UGT1A7: variants seen among roughly 807,000 people sequenced by gnomAD.
UGT1A7 encodes UDP glucuronosyltransferase family 1 member A7.
In UGT1A7, 33 loss-of-function variants were observed where a neutral mutation model predicts 45.6. That is an observed-to-expected ratio of 0.72 (90% CI 0.55 to 0.97). The LOEUF is 0.97. UGT1A7 is among the 50% of genes least tolerant of loss of function. The pLI, the probability that UGT1A7 is intolerant of heterozygous loss-of-function variation, is 0.00. For synonymous variants in UGT1A7, 274 were observed against 250.6 expected, an observed-to-expected ratio of 1.09 and a Z score of -0.88; for missense variants, 684 against 666.2, an observed-to-expected ratio of 1.03 and a Z score of -0.29.
chr2:233,713,135 G>A (rs772419709), intron 1 of UGT1A7: 5 of 1,614,098 alleles, frequency 3.1e-6, no homozygotes, highest in African/African-American at 1.3e-5. Context: ...GGGAGGCCTT[G>A]CGGGACCTCC....
chr2:233,713,893 A>T (rs774657608), intron 1 of UGT1A7: 2 of 1,613,332 alleles, frequency 1.2e-6, no homozygotes, highest in Admixed American at 3.3e-5. Context: ...TCAATGTTCC[A>T]GGCAAAACAC....
At chr2:233,708,841 G>A (rs955602115) in intron 1 of UGT1A7, 2 of 151,974 alleles carry the variant, frequency 1.3e-5, no homozygotes, top group African/African-American at 4.8e-5. Flanking sequence ...TTGTTGCAGG[G>A]CTTTTCTTTT....
chr2:233,694,052 C>T (rs1175368411), intron 1 of UGT1A7, among the ~76,000 whole-genome samples: 2 of 152,128 alleles, frequency 1.3e-5, no homozygotes, highest in African/African-American at 2.4e-5. Flanking sequence ...CAGAGGCATT[C>T]GGATGAAGAC....
chr2:233,689,817 A>T, intron 1 of UGT1A7: 3 of 442,316 alleles, frequency 6.8e-6, no homozygotes, highest in South Asian at 4.9e-5. Flanking sequence ...GAAACCAAAC[A>T]TCTCTGGACT....
At chr2:233,761,149 C>G (rs1575779799) in intron 1 of UGT1A7, 1 of 1,614,176 alleles carries the variant, frequency 6.2e-7, no homozygotes, top group East Asian at 2.2e-5. Context: ...TCCACTATCC[C>G]AGGTGTGTAT....
chr2:233,690,236 A>G (rs2074981656), intron 1 of UGT1A7, among the ~76,000 whole-genome samples: 1 of 152,206 alleles, frequency 6.6e-6, no homozygotes, highest in African/African-American at 2.4e-5. Context: ...TAGATTCAGC[A>G]AATTTCTTAT....
At chr2:233,707,418 T>G (rs752536700) in intron 1 of UGT1A7, among the ~76,000 whole-genome samples, 16 of 152,316 alleles carry the variant, frequency 1.1e-4, no homozygotes, top group Admixed American at 2.6e-4. Flanking sequence ...CTCCCTCGAC[T>G]ATTTCTTTGC....
chr2:233,756,931 T>G (rs1696359277), intron 1 of UGT1A7, among the ~76,000 whole-genome samples: 1 of 152,070 alleles, frequency 6.6e-6, no homozygotes, highest in Non-Finnish European at 1.5e-5. Context: ...AACCTCTAGT[T>G]ACATAACCTG....
chr2:233,707,721 T>C (rs2075983145), intron 1 of UGT1A7, among the ~76,000 whole-genome samples: 1 of 152,222 alleles, frequency 6.6e-6, no homozygotes, highest in Non-Finnish European at 1.5e-5. Context: ...CTGTGAACAA[T>C]GTTACAACGA....
chr2:233,700,744 T>G (rs2125584021), intron 1 of UGT1A7, among the ~76,000 whole-genome samples: 1 of 152,264 alleles, frequency 6.6e-6, no homozygotes. Flanking sequence ...TATTATACTT[T>G]AAGTTTTAGG....
chr2:233,691,989 T>C (rs1304927281), intron 1 of UGT1A7: 1 of 152,252 alleles, frequency 6.6e-6, no homozygotes, highest in African/African-American at 2.4e-5. Context: ...CCTAAGTTTA[T>C]GTAAAGGAGA....
chr2:233,720,424 T>A (rs1382226869), intron 1 of UGT1A7, among the ~76,000 whole-genome samples: 3 of 151,922 alleles, frequency 2.0e-5, no homozygotes, highest in African/African-American at 7.3e-5. Flanking sequence ...AGGGAGGAGA[T>A]AAGACCGTGA....
chr2:233,701,289 C>T (rs185939112), intron 1 of UGT1A7, among the ~76,000 whole-genome samples: 36 of 152,168 alleles, frequency 2.4e-4, no homozygotes, highest in East Asian at 7.7e-4. Context: ...CTTGAGGAAT[C>T]GCCACACTGT....
intron 1 of UGT1A7, among the ~76,000 whole-genome samples, chr2:233,724,415 C>G (rs1413397133): frequency 7.9e-6 from 1 of 126,926 alleles, no homozygotes; most frequent in East Asian, 2.6e-4. Context: ...GGGTGGCTGC[C>G]GGGCGGAGAG....
At chr2:233,770,670 A>C (rs1409019520) in intron 4 of UGT1A7, 2 of 152,132 alleles carry the variant, frequency 1.3e-5, no homozygotes, top group Non-Finnish European at 2.9e-5. Flanking sequence ...TTAAAAAAAA[A>C]AAAAAGAAGG....
intron 1 of UGT1A7, chr2:233,693,417 T>C: frequency 6.2e-7 from 1 of 1,614,112 alleles, no homozygotes; most frequent in Non-Finnish European, 8.5e-7. Flanking sequence ...ACCCTGAACT[T>C]CTTTAAGGAG....
intron 1 of UGT1A7, chr2:233,747,437 C>G: frequency 1.9e-6 from 3 of 1,608,846 alleles, no homozygotes; most frequent in Non-Finnish European, 2.6e-6. Context: ...AGAAATTTTT[C>G]ACCCTGACAA....
At chr2:233,758,188 A>G (rs1349167562) in intron 1 of UGT1A7, among the ~76,000 whole-genome samples, 2 of 152,180 alleles carry the variant, frequency 1.3e-5, no homozygotes, top group African/African-American at 4.8e-5. Flanking sequence ...TATTAATTGG[A>G]TTGCTTAGTA....
chr2:233,759,135 A>G (rs1346504675), intron 1 of UGT1A7, among the ~76,000 whole-genome samples: 1 of 152,234 alleles, frequency 6.6e-6, no homozygotes, highest in African/African-American at 2.4e-5. Flanking sequence ...CTGGTACGCA[A>G]TGAAGGTGAG....
Sources: gnomAD v4.1 joint callset for allele counts (sites outside exome capture counted in the v4.1 genomes callset) on GRCh38, gnomAD v4.1.1 for gene constraint, MANE v1.5 for transcripts, NCBI Gene and HGNC (gene_info 2026-07-23, HGNC 2026-07-21) for gene names.